STARD6: variants seen among roughly 807,000 people sequenced by gnomAD.
STARD6 encodes the protein StAR related lipid transfer domain containing 6.
In STARD6, 21 loss-of-function variants were observed where a neutral mutation model predicts 22.3. The observed-to-expected ratio is 0.94, with a 90% CI of 0.67 to 1.35. The LOEUF (loss-of-function observed/expected upper bound fraction) is 1.35, where lower values mean the gene tolerates loss of function less well. Ranked by LOEUF, STARD6 falls within the 40% of genes most tolerant of loss-of-function variation. The pLI is 0.00. For missense variants in STARD6, 269 were observed against 266.9 expected, an observed-to-expected ratio of 1.01 and a Z score of -0.05; for synonymous variants, 80 against 88.1, an observed-to-expected ratio of 0.91 and a Z score of 0.52.
intron 4 of STARD6, among the ~76,000 whole-genome samples, chr18:54,344,832 C>T (rs535505278): frequency 5.5e-4 from 84 of 152,062 alleles, no homozygotes; most frequent in Admixed American, 1.0e-3. Context: ...AAAAAGCATA[C>T]GACAAAATCC....
chr18:54,354,061 C>T lies in STARD6; in HGVS notation c.133G>A (p.Gly45Arg). 1 of 1,563,242 alleles carries T rather than the reference C, an allele frequency of 6.4e-7. No homozygotes were observed. Among genetic ancestry groups the T allele is most frequent in the East Asian group, 2.3e-5 (1 of 42,936 alleles). The change falls in exon 4 of 8, where the codon GGA (glycine) becomes AGA (arginine). Residue 45 changes from glycine to arginine, a missense_variant. Physicochemically the swap from Gly to Arg is moderately radical, Grantham distance 125. Coordinates refer to ENST00000307844, the MANE Select transcript of STARD6 (RefSeq NM_139171.2). Reference protein sequence around the residue: ...VSSKASRKFHGNLYRVEGIIP... With the variant: ...VSSKASRKFHRNLYRVEGIIP... ...ATAGAAGATTGTACTCACAGATTTC[C>T]ATGGAATTTTCTAGAAGCCTTACTG...
chr18:54,329,537 T>C, intron 6 of STARD6, 97 bp from the exon 7 acceptor site: 1 of 947,188 alleles, frequency 1.1e-6, no homozygotes, highest in Non-Finnish European at 1.5e-6. Context: ...TTTAAGTTAG[T>C]TAATAGCATT....
intron 4 of STARD6, among the ~76,000 whole-genome samples, chr18:54,342,416 G>GTATCTCTTATGTATATGCAAAAAC (rs1258563511): frequency 8.4e-6 from 1 of 118,488 alleles, no homozygotes; most frequent in Non-Finnish European, 1.7e-5. Context: ...ATAAGAAAAT[G>GTATCTCTTATGTATATGCAAAAAC]CTCTCCGTCT....
At chr18:54,346,236 T>G (rs1032984850) in intron 4 of STARD6, among the ~76,000 whole-genome samples, 3 of 152,132 alleles carry the variant, frequency 2.0e-5, no homozygotes, top group African/African-American at 7.2e-5. Context: ...GAAATTCAAT[T>G]TTTTAAAAAA....
At position 54,329,452 on chromosome 18, in the gene STARD6, T is replaced by A. The variant is rs778794874; in HGVS notation, c.386-12A>T. On this transcript the variant is annotated splice_polypyrimidine_tract_variant and intron_variant, in intron 6 of 7. Transcript: ENST00000307844. Reference sequence around the variant, plus strand: ...ATCCACACTTTTAGCTAAGAGATTTTAAAAAATTAAAATGAAACCTATTCA... The same window carrying A: ...ATCCACACTTTTAGCTAAGAGATTTAAAAAAATTAAAATGAAACCTATTCA... 4 of 1,572,334 alleles carry A rather than the reference T, an allele frequency of 2.5e-6. No individual in the cohort carries two copies. Among genetic ancestry groups the A allele is most frequent in the Middle Eastern group, 1.7e-4 (1 of 5,830 alleles).
In STARD6 at chr18:54,333,544, T is replaced by C. The variant is rs1409452771; in HGVS notation, c.268-1685A>G. On this transcript the variant is annotated intron_variant, in intron 5 of 7. Transcript: ENST00000307844. ...TAAATTTTTGGATTTTCATTTGTGATGCCCAGTGGTTCTCAAACTGAATGT... is the reference window on the plus strand; with the variant it reads ...TAAATTTTTGGATTTTCATTTGTGACGCCCAGTGGTTCTCAAACTGAATGT... 2.0e-5 allele frequency among the ~76,000 whole-genome samples: 3 copies of C among 152,348 alleles called. No individual in the cohort carries two copies. In the East Asian group the frequency reaches 5.8e-4, roughly 29 times the overall value.
intron 4 of STARD6, among the ~76,000 whole-genome samples, chr18:54,350,393 C>T (rs1180586609): frequency 6.6e-6 from 1 of 151,980 alleles, no homozygotes; most frequent in Non-Finnish European, 1.5e-5. Flanking sequence ...TCCTTTGCTG[C>T]ATGCATAGTT....
chr18:54,343,324 G>T (rs2088996179), intron 4 of STARD6, among the ~76,000 whole-genome samples: 2 of 139,650 alleles, frequency 1.4e-5, no homozygotes, highest in South Asian at 4.8e-4. Context: ...CATCTGGGAA[G>T]TGAGGAGCAT....
chr18:54,333,424 G>A (rs1412384733), intron 5 of STARD6, among the ~76,000 whole-genome samples: 1 of 152,160 alleles, frequency 6.6e-6, no homozygotes, highest in Non-Finnish European at 1.5e-5. Context: ...ACTCCAGCCT[G>A]GGGTGACAGA....
At chr18:54,331,924 C>A in intron 5 of STARD6, 65 bp from the exon 6 acceptor site, 1 of 1,194,050 alleles carries the variant, frequency 8.4e-7, no homozygotes, top group Non-Finnish European at 1.2e-6. Flanking sequence ...TATTGTTTCC[C>A]CCCCAAATTT....
intron 2 of STARD6, among the ~76,000 whole-genome samples, chr18:54,356,016 G>T (rs1434111303): frequency 1.3e-5 from 2 of 152,150 alleles, no homozygotes; most frequent in African/African-American, 2.4e-5. Context: ...GATTAGTTGA[G>T]TTAATATATG....
At chr18:54,334,681 A>G (rs1039109410) in intron 5 of STARD6, among the ~76,000 whole-genome samples, 1 of 152,054 alleles carries the variant, frequency 6.6e-6, no homozygotes, top group Admixed American at 6.6e-5. Context: ...CAGGTTTCTA[A>G]TGTGTCTCAC....
At chr18:54,356,475 TTTTG>T in intron 1 of STARD6, 31 bp from the exon 2 acceptor site, 1 of 152,344 alleles carries the variant, frequency 6.6e-6, no homozygotes, top group Admixed American at 6.5e-5. Context: ...AGTAGAATTA[TTTTG>T]ATCCATGAAT....
chr18:54,326,343 T>TC (rs2088824968), intron 7 of STARD6, among the ~76,000 whole-genome samples: 2 of 138,824 alleles, frequency 1.4e-5, no homozygotes, highest in Non-Finnish European at 3.0e-5. Context: ...TTTTTTTTTT[T>TC]TCTTTTGAGA....
chr18:54,338,851 C>A lies in STARD6; in HGVS notation c.141-1600G>T, dbSNP rs570565919. The stretch of plus-strand genomic sequence containing the variant: ...GATCACGAGGTCAAGAGATCGAGAC[C>A]AACTTGGCCAACATGGTGAAACCCC... On this transcript the variant is annotated intron_variant, in intron 4 of 7. Coordinates refer to ENST00000307844, the MANE Select transcript of STARD6 (RefSeq NM_139171.2). Among the ~76,000 whole-genome samples the A allele has an allele frequency of 4.6e-5, 7 of 151,492 alleles. No individual in the cohort carries two copies. In the East Asian group the frequency reaches 9.7e-4, roughly 21 times the overall value.
chr18:54,341,776 A>T (rs1190061924), intron 4 of STARD6, among the ~76,000 whole-genome samples: 1 of 152,218 alleles, frequency 6.6e-6, no homozygotes, highest in African/African-American at 2.4e-5. Context: ...AGCAGTGCTT[A>T]GAGGAAAATT....
At chr18:54,353,106 TATA>T (rs1173719626) in intron 4 of STARD6, among the ~76,000 whole-genome samples, 3 of 152,112 alleles carry the variant, frequency 2.0e-5, no homozygotes, top group Admixed American at 6.5e-5. Flanking sequence ...TGGGCTGAAA[TATA>T]ATATAGGTAA....
chr18:54,354,104 C>A lies in STARD6; in HGVS notation c.91-1G>T. 6.5e-7 allele frequency: 1 copy of A among 1,548,820 alleles called. No individual in the cohort carries two copies. Among genetic ancestry groups the A allele is most frequent in the Non-Finnish European group, 8.7e-7 (1 of 1,143,600 alleles). On this transcript the variant is annotated splice_acceptor_variant, in intron 3 of 7. Transcript: ENST00000307844. LOFTEE classifies it high-confidence loss of function. ...CCTTACTGGAAACAGTTATCTTTTT[C>A]TCAAAGGGGAATAAAAATCCACAAA...
chr18:54,326,779 A>T (rs971820120), intron 7 of STARD6, among the ~76,000 whole-genome samples: 3 of 151,854 alleles, frequency 2.0e-5, no homozygotes, highest in African/African-American at 7.2e-5. Context: ...TTAAATCAAA[A>T]ATTAATTGAA....
Sources: allele counts gnomAD v4.1 joint callset (sites outside exome capture counted in the v4.1 genomes callset), GRCh38; gene constraint gnomAD v4.1.1; transcripts MANE v1.5; gene names NCBI Gene and HGNC (gene_info 2026-07-23, HGNC 2026-07-21).